Variants in STK32B observed in about 807,000 individuals in gnomAD.
STK32B encodes the protein serine/threonine kinase 32B.
STK32B carries 43 observed loss-of-function variants against 52.6 expected under a neutral mutation model. The ratio of observed to expected loss-of-function variants is 0.82; its 90% CI spans 0.64 to 1.05. The LOEUF is 1.05. Ranked by LOEUF, STK32B falls within the 50% of genes least tolerant of loss-of-function variation. The pLI is 0.00. For synonymous variants in STK32B, 238 were observed against 204.3 expected (o/e 1.17, Z -1.41); for missense variants, 621 against 534.6 (o/e 1.16, Z -1.59).
intron 3 of STK32B, among the ~76,000 whole-genome samples, chr4:5,173,052 C>A (rs191306072): frequency 3.3e-5 from 5 of 152,090 alleles, no homozygotes; most frequent in African/African-American, 1.2e-4. Context: ...GTGTATGTGT[C>A]GAGGAATTTA....
At chr4:5,486,638 A>T (rs1273369888) in intron 11 of STK32B, among the ~76,000 whole-genome samples, 1 of 152,202 alleles carries the variant, frequency 6.6e-6, no homozygotes, top group Non-Finnish European at 1.5e-5. Flanking sequence ...CTGGTACCTC[A>T]GTTGGAAATG....
chr4:5,445,032 C>G (rs908615068), intron 6 of STK32B, among the ~76,000 whole-genome samples: 1 of 152,182 alleles, frequency 6.6e-6, no homozygotes, highest in Non-Finnish European at 1.5e-5. Context: ...AGGAATTCAG[C>G]AGACCTGTAA....
At chr4:5,077,429 G>T (rs1712149740) in intron 1 of STK32B, among the ~76,000 whole-genome samples, 1 of 151,920 alleles carries the variant, frequency 6.6e-6, no homozygotes, top group Non-Finnish European at 1.5e-5. Context: ...CAGCTGTGAG[G>T]GCAGACACCC....
intron 9 of STK32B, among the ~76,000 whole-genome samples, chr4:5,463,283 C>A (rs116911085): frequency 6.6e-6 from 1 of 152,318 alleles, no homozygotes; most frequent in East Asian, 1.9e-4. Context: ...ATTAGCACTT[C>A]CTCGAGTGCT....
At chr4:5,192,530 A>ACT (rs1373970763) in intron 3 of STK32B, among the ~76,000 whole-genome samples, 4 of 152,212 alleles carry the variant, frequency 2.6e-5, no homozygotes, top group Non-Finnish European at 4.4e-5. Context: ...CATCAGTTTA[A>ACT]ATGTGATCAC....
At chr4:5,056,574 C>G (rs908038777) in intron 1 of STK32B, among the ~76,000 whole-genome samples, 2 of 152,262 alleles carry the variant, frequency 1.3e-5, no homozygotes, top group East Asian at 1.9e-4. Context: ...GGCGGGCTCT[C>G]TCTTCATGGG....
At chr4:5,316,306 A>C (rs1200486810) in intron 3 of STK32B, among the ~76,000 whole-genome samples, 1 of 60,712 alleles carries the variant, frequency 1.6e-5, no homozygotes, top group Non-Finnish European at 2.4e-5. Flanking sequence ...TATATAATAT[A>C]TATATTGTAT....
intron 6 of STK32B, among the ~76,000 whole-genome samples, chr4:5,435,059 A>G (rs1452961908): frequency 5.3e-5 from 8 of 152,084 alleles, no homozygotes; most frequent in Admixed American, 5.2e-4. Context: ...CAAGGATGGG[A>G]AGACTGACAT....
chr4:5,101,733 A>G (rs1166136958), intron 1 of STK32B, among the ~76,000 whole-genome samples: 1 of 152,184 alleles, frequency 6.6e-6, no homozygotes, highest in Non-Finnish European at 1.5e-5. Context: ...AAGCTGTGTG[A>G]TGACAAAACC....
At chr4:5,406,150 C>A (rs1459989366) in intron 5 of STK32B, among the ~76,000 whole-genome samples, 1 of 152,080 alleles carries the variant, frequency 6.6e-6, no homozygotes, top group Non-Finnish European at 1.5e-5. Flanking sequence ...AGTCCAAAAC[C>A]CAGCAGGGCA....
chr4:5,393,382 A>G (rs1377910920), intron 4 of STK32B, among the ~76,000 whole-genome samples: 1 of 152,250 alleles, frequency 6.6e-6, no homozygotes, highest in Non-Finnish European at 1.5e-5. Context: ...TAAGTGAGGA[A>G]GCTAATGTTC....
intron 1 of STK32B, among the ~76,000 whole-genome samples, chr4:5,059,051 G>GC (rs2108756460): frequency 8.1e-6 from 1 of 123,644 alleles, no homozygotes; most frequent in South Asian, 2.7e-4. Context: ...ACGCCCAGCT[G>GC]CTTTTTTTTT....
intron 3 of STK32B, among the ~76,000 whole-genome samples, chr4:5,325,319 C>G (rs1197809177): frequency 1.5e-5 from 2 of 135,768 alleles, no homozygotes; most frequent in East Asian, 2.0e-4. Context: ...CTTGCTTTTC[C>G]TAAACAATTG....
intron 1 of STK32B, among the ~76,000 whole-genome samples, chr4:5,106,629 A>T (rs1714122678): frequency 6.6e-6 from 1 of 152,166 alleles, no homozygotes; most frequent in Non-Finnish European, 1.5e-5. Context: ...TGCCATTTAT[A>T]GATTGTTTAT....
intron 1 of STK32B, among the ~76,000 whole-genome samples, chr4:5,113,280 A>G (rs1714509001): frequency 6.6e-6 from 1 of 152,168 alleles, no homozygotes; most frequent in Admixed American, 6.5e-5. Context: ...TGAACCAGGA[A>G]GCAAGCCCTC....
Position 5,210,480 on chromosome 4 carries a change from AC to A in STK32B, c.260+42031del, listed in dbSNP as rs142582338. 1.6e-3 allele frequency among the ~76,000 whole-genome samples: 237 copies of A among 152,208 alleles called. 1 individual carries two copies. Among genetic ancestry groups the A allele is most frequent in the African/African-American group, 5.5e-3 (227 of 41,532 alleles). On this transcript the variant is annotated intron_variant, in intron 3 of 11. Coordinates refer to ENST00000282908, the MANE Select transcript of STK32B (RefSeq NM_018401.3). ...CACAGATAATTCATTTTCCTTGAAG[AC>A]TTTTCTTGTCCTGCCCTCACCGAAG... is the stretch of plus-strand genomic sequence containing the variant.
intron 9 of STK32B, among the ~76,000 whole-genome samples, chr4:5,465,800 G>A (rs1385429891): frequency 2.6e-5 from 4 of 152,246 alleles, no homozygotes; most frequent in Middle Eastern, 3.4e-3. Flanking sequence ...CTCCTTCTTG[G>A]CCAGGTCACA....
At chr4:5,317,104 TATATA>T (rs1731023607) in intron 3 of STK32B, among the ~76,000 whole-genome samples, 1 of 55,162 alleles carries the variant, frequency 1.8e-5, no homozygotes, top group Non-Finnish European at 2.6e-5. Context: ...TATGATATAA[TATATA>T]ATATATATAA....
chr4:5,085,282 A>G (rs964318491), intron 1 of STK32B, among the ~76,000 whole-genome samples: 1 of 152,232 alleles, frequency 6.6e-6, no homozygotes, highest in Non-Finnish European at 1.5e-5. Flanking sequence ...TAAATGTAAA[A>G]TGTCTGGCAC....
Sources: gnomAD v4.1 joint callset for allele counts (sites outside exome capture counted in the v4.1 genomes callset) on GRCh38, gnomAD v4.1.1 for gene constraint, MANE v1.5 for transcripts, NCBI Gene and HGNC (gene_info 2026-07-23, HGNC 2026-07-21) for gene names.